Variants in ITPR1 observed in about 807,000 individuals in gnomAD.
The protein encoded by ITPR1 is inositol 1,4,5-trisphosphate-gated calcium channel ITPR1.
Under a neutral mutation model 318.4 loss-of-function variants are expected in ITPR1, and 96 were observed. That is an observed-to-expected ratio of 0.30 (90% CI 0.26 to 0.36). The LOEUF (loss-of-function observed/expected upper bound fraction) is 0.36, where lower values mean the gene tolerates loss of function less well. ITPR1 is among the 10% of genes least tolerant of loss of function. ITPR1 has a pLI of 1.00. For missense variants in ITPR1, 2,440 were observed against 3,460.2 expected (o/e 0.71, Z 7.40); for synonymous variants, 1,312 against 1,289.9 (o/e 1.02, Z -0.37).
In ITPR1 at chr3:4,628,033, G is replaced by C. The variant is rs2307066; in HGVS notation, c.279+155G>C. Reference sequence around the variant, plus strand: ...GTGAAGGGGTAGAAGGGAACCGACCGTAGAGAGGGATAGATCCTAGTCATC... The same window carrying C: ...GTGAAGGGGTAGAAGGGAACCGACCCTAGAGAGGGATAGATCCTAGTCATC... On this transcript the variant is annotated intron_variant, in intron 5 of 61. Transcript: ENST00000649015. Among the ~76,000 whole-genome samples the C allele has an allele frequency of 0.091, 13,918 of 152,176 alleles. 906 individuals are homozygous for C. The highest frequency in any genetic ancestry group is 0.18 in the African/African-American group (7,328 of 41,488).
chr3:4,627,610 A>G (rs1212436758), intron 4 of ITPR1, among the ~76,000 whole-genome samples, 153 bp from the exon 5 acceptor site: 1 of 152,230 alleles, frequency 6.6e-6, no homozygotes, highest in Non-Finnish European at 1.5e-5. Flanking sequence ...TAAATTCAAA[A>G]AGAGATTTGT....
chr3:4,720,978 C>T (rs1197033477), intron 40 of ITPR1, among the ~76,000 whole-genome samples: 3 of 151,886 alleles, frequency 2.0e-5, no homozygotes, highest in African/African-American at 7.3e-5. Flanking sequence ...AATTTAGGCT[C>T]ACTGCTGATG....
At chr3:4,524,271 T>G (rs988838136) in intron 4 of ITPR1, among the ~76,000 whole-genome samples, 3 of 150,392 alleles carry the variant, frequency 2.0e-5, no homozygotes, top group African/African-American at 7.3e-5. Context: ...TCCAAAGCAT[T>G]CCTTCAACTG....
rs534548513 is a variant in ITPR1, at chr3:4,690,689, C to G, written c.3829-455C>G. Among the ~76,000 whole-genome samples, 9 of 152,278 alleles carry G rather than the reference C, an allele frequency of 5.9e-5. No individual in the cohort carries two copies. The South Asian group carries it at 1.9e-3, about 32-fold the overall frequency. On this transcript the variant is annotated intron_variant, in intron 31 of 61. Coordinates refer to ENST00000649015, the MANE Select transcript of ITPR1 (RefSeq NM_001378452.1). ...CTAGGAATGTTACTATCTATTAAAA[C>G]TGGATCCTACTCCAAATGCCCTTCC...
Position 4,683,569 on chromosome 3 carries a change from C to G in ITPR1, c.3327+18C>G, listed in dbSNP as rs1359049827. The G allele has an allele frequency of 1.2e-6, 2 of 1,613,672 alleles. No homozygotes were observed. Among genetic ancestry groups the G allele is most frequent in the Non-Finnish European group, 1.7e-6 (2 of 1,179,564 alleles). ...TCAAACAGGTAGCTCAGGTCACCCA[C>G]GTGTGTGTTGTCTGTCCAAGAAGCT... On this transcript the variant is annotated intron_variant, in intron 27 of 61. Transcript: ENST00000649015.
intron 52 of ITPR1, among the ~76,000 whole-genome samples, chr3:4,792,839 G>C (rs984459408): frequency 2.6e-5 from 4 of 152,146 alleles, no homozygotes; most frequent in African/African-American, 9.7e-5. Context: ...ATACTCAAGT[G>C]GAAGGGAAAT....
At chr3:4,794,135 G>A (rs999115207) in intron 52 of ITPR1, among the ~76,000 whole-genome samples, 16 of 152,192 alleles carry the variant, frequency 1.1e-4, no homozygotes, top group African/African-American at 3.6e-4. Flanking sequence ...CCTGTGACAT[G>A]GACACTGAAA....
intron 4 of ITPR1, among the ~76,000 whole-genome samples, chr3:4,538,519 C>T (rs2084090496): frequency 6.6e-6 from 1 of 152,098 alleles, no homozygotes; most frequent in East Asian, 1.9e-4. Context: ...TCAGAAATAC[C>T]ATTCGACCCA....
At chr3:4,639,125 C>G (rs988941054) in intron 5 of ITPR1, among the ~76,000 whole-genome samples, 3 of 152,094 alleles carry the variant, frequency 2.0e-5, no homozygotes, top group African/African-American at 7.2e-5. Context: ...TTACTCTCAC[C>G]CTAAGCAAAT....
chr3:4,530,850 G>A (rs2083358731), intron 4 of ITPR1, among the ~76,000 whole-genome samples: 1 of 151,962 alleles, frequency 6.6e-6, no homozygotes, highest in Admixed American at 6.5e-5. Flanking sequence ...GGATCTTATT[G>A]GTCTCATTCT....
At chr3:4,759,970 G>A (rs78360538) in intron 44 of ITPR1, among the ~76,000 whole-genome samples, 8 of 152,304 alleles carry the variant, frequency 5.3e-5, no homozygotes, top group East Asian at 3.9e-4. Context: ...AAGCGTATCT[G>A]ATCAGATCTG....
chr3:4,702,707 G>A (rs973073646), intron 35 of ITPR1, 123 bp from the exon 36 acceptor site: 57 of 1,046,654 alleles, frequency 5.4e-5, no homozygotes, highest in Non-Finnish European at 7.7e-5. Flanking sequence ...CCATTAACAA[G>A]GCAGTGTCTG....
chr3:4,568,132 G>T lies in ITPR1; in HGVS notation c.163+47038G>T, dbSNP rs1364229098. 2.0e-5 allele frequency among the ~76,000 whole-genome samples: 3 copies of T among 152,136 alleles called. 1 individual carries two copies. Among genetic ancestry groups the T allele is most frequent in the Non-Finnish European group, 2.9e-5 (2 of 68,024 alleles). On this transcript the variant is annotated intron_variant, in intron 4 of 61. Transcript: ENST00000649015. Reference sequence around the variant, plus strand: ...AAGAGTCTGTGATTTTTACATAGTTGGGCCCTGGAGGCCAGGGTCATTACA... The same window carrying T: ...AAGAGTCTGTGATTTTTACATAGTTTGGCCCTGGAGGCCAGGGTCATTACA...
intron 23 of ITPR1, among the ~76,000 whole-genome samples, chr3:4,675,632 G>A (rs949139703): frequency 2.0e-5 from 3 of 152,058 alleles, no homozygotes; most frequent in East Asian, 3.9e-4. Flanking sequence ...CTTGACATTC[G>A]TGAGACCCTT....
At chr3:4,524,383 G>C (rs370095904) in intron 4 of ITPR1, among the ~76,000 whole-genome samples, 1 of 133,008 alleles carries the variant, frequency 7.5e-6, no homozygotes, top group African/African-American at 2.8e-5. Context: ...CCAAATATAA[G>C]TGTATTTTGG....
chr3:4,787,801 C>A, intron 51 of ITPR1, 146 bp from the exon 52 acceptor site: 1 of 564,434 alleles, frequency 1.8e-6, no homozygotes, highest in South Asian at 2.6e-5. Flanking sequence ...TTATATAAAT[C>A]TGAGACACAC....
chr3:4,733,517 G>A (rs563502613), intron 43 of ITPR1, among the ~76,000 whole-genome samples: 15 of 151,986 alleles, frequency 9.9e-5, no homozygotes, highest in East Asian at 5.8e-4. Context: ...ATTGCACTTC[G>A]TCCCGTGGTT....
chr3:4,719,550 T>C (rs1574999854), intron 40 of ITPR1, among the ~76,000 whole-genome samples: 1 of 152,200 alleles, frequency 6.6e-6, no homozygotes, highest in Admixed American at 6.5e-5. Context: ...TGCGTACCCA[T>C]GTTCCAAAGT....
intron 54 of ITPR1, among the ~76,000 whole-genome samples, chr3:4,802,089 G>A (rs912464009): frequency 6.6e-6 from 1 of 152,092 alleles, no homozygotes; most frequent in Non-Finnish European, 1.5e-5. Context: ...GTGAAAAAAG[G>A]GTTCCGTGAT....
Sources: gnomAD v4.1 joint callset for allele counts (sites outside exome capture counted in the v4.1 genomes callset) on GRCh38, gnomAD v4.1.1 for gene constraint, MANE v1.5 for transcripts, NCBI Gene and HGNC (gene_info 2026-07-23, HGNC 2026-07-21) for gene names.